RAD51B: variants seen among roughly 807,000 people sequenced by gnomAD.
RAD51B encodes RAD51 paralog B, also known as DNA repair protein RAD51 homolog 2.
RAD51B carries 38 observed loss-of-function variants against 42.2 expected under a neutral mutation model. That is an observed-to-expected ratio of 0.90 (90% CI 0.70 to 1.18). RAD51B has a LOEUF of 1.18. Among genes scored for constraint, RAD51B ranks in the 50% most tolerant of loss-of-function variants. The pLI, the probability that RAD51B is intolerant of heterozygous loss-of-function variation, is 0.00. For synonymous variants in RAD51B, 154 were observed against 145.2 expected (o/e 1.06, Z -0.43); for missense variants, 373 against 400.7 (o/e 0.93, Z 0.59).
chr14:67,980,834 T>A (rs558117928), intron 7 of RAD51B, among the ~76,000 whole-genome samples: 114 of 152,316 alleles, frequency 7.5e-4, no homozygotes, highest in African/African-American at 2.7e-3. Flanking sequence ...GGAAAAGATT[T>A]CTTCTATATG....
intron 7 of RAD51B, among the ~76,000 whole-genome samples, chr14:67,989,635 CAAAAAAAAAAA>C (rs764608072): frequency 6.0e-5 from 4 of 66,894 alleles, no homozygotes; most frequent in Admixed American, 1.7e-4. Context: ...AACTCTGTCT[CAAAAAAAAAAA>C]AAAAAAAAAA....
intron 10 of RAD51B, among the ~76,000 whole-genome samples, chr14:68,556,730 T>C (rs1888866496): frequency 6.6e-6 from 1 of 152,140 alleles, no homozygotes; most frequent in Admixed American, 6.5e-5. Context: ...ATATGTTTCT[T>C]TGAATGCAAG....
chr14:68,257,102 G>A (rs2080769035), intron 7 of RAD51B, among the ~76,000 whole-genome samples: 1 of 152,220 alleles, frequency 6.6e-6, no homozygotes, highest in Admixed American at 6.5e-5. Flanking sequence ...ATCAGACATT[G>A]AAGGATAAAT....
chr14:68,340,374 G>A (rs1418387150), intron 8 of RAD51B, among the ~76,000 whole-genome samples: 2 of 152,186 alleles, frequency 1.3e-5, no homozygotes, highest in Non-Finnish European at 2.9e-5. Context: ...TCTGTGCTGT[G>A]ACTTGTCTGG....
chr14:67,901,097 T>C (rs931891619), intron 7 of RAD51B, among the ~76,000 whole-genome samples: 4 of 152,108 alleles, frequency 2.6e-5, no homozygotes, highest in Admixed American at 2.6e-4. Context: ...GAGTTCTGGG[T>C]CTTTTATGTG....
At chr14:68,275,084 C>A (rs1286022358) in intron 7 of RAD51B, among the ~76,000 whole-genome samples, 2 of 152,090 alleles carry the variant, frequency 1.3e-5, no homozygotes. Flanking sequence ...GTTTTAGCAC[C>A]CATTGATGAT....
chr14:68,662,976 G>A (rs1892963713), intron 11 of RAD51B, among the ~76,000 whole-genome samples: 1 of 152,178 alleles, frequency 6.6e-6, no homozygotes. Context: ...GGCTTCAGTT[G>A]GGTTCTGCCA....
At chr14:68,208,682 A>C (rs1218473970) in intron 7 of RAD51B, among the ~76,000 whole-genome samples, 1 of 152,226 alleles carries the variant, frequency 6.6e-6, no homozygotes, top group Non-Finnish European at 1.5e-5. Flanking sequence ...CAGAGAGATA[A>C]AATGTGTCCA....
At chr14:67,988,489 T>TA (rs755955518) in intron 7 of RAD51B, among the ~76,000 whole-genome samples, 3 of 151,968 alleles carry the variant, frequency 2.0e-5, no homozygotes, top group South Asian at 2.1e-4. Flanking sequence ...AATAAATAAA[T>TA]AATAATAAAA....
At chr14:68,681,244 G>A (rs1271869968) in intron 11 of RAD51B, among the ~76,000 whole-genome samples, 1 of 152,180 alleles carries the variant, frequency 6.6e-6, no homozygotes, top group Non-Finnish European at 1.5e-5. Context: ...ACTGAAAAAA[G>A]ATAGTTGCTA....
chr14:68,478,665 C>T (rs940926161), downstream of RAD51B, among the ~76,000 whole-genome samples: 3 of 152,234 alleles, frequency 2.0e-5, no homozygotes, highest in Non-Finnish European at 2.9e-5. Context: ...TGACCTCAAG[C>T]TGTCCTCTGT....
chr14:68,656,568 C>T (rs535120482), intron 11 of RAD51B, among the ~76,000 whole-genome samples: 38 of 152,122 alleles, frequency 2.5e-4, no homozygotes, highest in Non-Finnish European at 4.9e-4. Context: ...GGGTGCAGAG[C>T]AGCTCCGGGA....
At chr14:68,148,674 T>C (rs10151522) in intron 7 of RAD51B, among the ~76,000 whole-genome samples, 1,853 of 152,336 alleles carry the variant, frequency 0.012, 39 homozygotes, top group African/African-American at 0.04. Context: ...CGTGATACTG[T>C]GCAGTAACAG....
At chr14:67,841,227 C>G (rs896572325) in intron 4 of RAD51B, among the ~76,000 whole-genome samples, 2 of 152,168 alleles carry the variant, frequency 1.3e-5, no homozygotes, top group Non-Finnish European at 2.9e-5. Context: ...TGTATGTCTT[C>G]TTTTGAGAAG....
chr14:68,002,117 G>A (rs1168732465), intron 7 of RAD51B, among the ~76,000 whole-genome samples: 3 of 152,104 alleles, frequency 2.0e-5, no homozygotes, highest in South Asian at 2.1e-4. Context: ...TTGAGGAATC[G>A]CCATACTGTG....
At chr14:68,220,244 G>A (rs559815296) in intron 7 of RAD51B, among the ~76,000 whole-genome samples, 1 of 152,320 alleles carries the variant, frequency 6.6e-6, no homozygotes, top group Non-Finnish European at 1.5e-5. Context: ...AAATCTGAAA[G>A]TTTAGAAAGC....
At chr14:68,470,285 T>A (rs753125965) in intron 10 of RAD51B, among the ~76,000 whole-genome samples, 1 of 152,184 alleles carries the variant, frequency 6.6e-6, no homozygotes, top group Non-Finnish European at 1.5e-5. Context: ...AAGCTACACA[T>A]CCCTCTCTGA....
intron 8 of RAD51B, among the ~76,000 whole-genome samples, chr14:68,369,605 A>G (rs548740924): frequency 2.6e-5 from 4 of 152,294 alleles, no homozygotes; most frequent in African/African-American, 7.2e-5. Flanking sequence ...CTCTTTCACA[A>G]ACTCCTCCTG....
chr14:68,677,647 G>A (rs551529576), intron 11 of RAD51B, among the ~76,000 whole-genome samples: 3 of 152,098 alleles, frequency 2.0e-5, no homozygotes, highest in African/African-American at 4.8e-5. Flanking sequence ...GTCCTCCCCC[G>A]TATATACTGT....
Sources: gnomAD v4.1 joint callset for allele counts (sites outside exome capture counted in the v4.1 genomes callset) on GRCh38, gnomAD v4.1.1 for gene constraint, MANE v1.5 for transcripts, NCBI Gene and HGNC (gene_info 2026-07-23, HGNC 2026-07-21) for gene names.